The following LARGE1 variants were observed in gnomAD, a reference collection of about 807,000 sequenced individuals.
LARGE1 encodes xylosyl- and glucuronyltransferase LARGE1.
Under a neutral mutation model 87.6 loss-of-function variants are expected in LARGE1, and 43 were observed. That is an observed-to-expected ratio of 0.49 (90% CI 0.38 to 0.63). The LOEUF is 0.63. LARGE1 is among the 30% of genes least tolerant of loss of function. LARGE1 has a pLI of 0.00. For synonymous variants in LARGE1, 434 were observed against 394.6 expected, an observed-to-expected ratio of 1.10 and a Z score of -1.18; for missense variants, 802 against 1,000.2, an observed-to-expected ratio of 0.80 and a Z score of 2.67.
intron 1 of LARGE1, among the ~76,000 whole-genome samples, chr22:33,827,342 C>G (rs2062827596): frequency 6.6e-6 from 1 of 152,078 alleles, no homozygotes; most frequent in African/African-American, 2.4e-5. Context: ...TGTACTCCAG[C>G]CTGGGTGACA....
At chr22:33,769,032 G>A (rs1183265763) in intron 1 of LARGE1, among the ~76,000 whole-genome samples, 1 of 152,216 alleles carries the variant, frequency 6.6e-6, no homozygotes, top group Non-Finnish European at 1.5e-5. Flanking sequence ...ACCAGGGCAG[G>A]AATCCGCCAG....
intron 6 of LARGE1, among the ~76,000 whole-genome samples, chr22:33,457,724 C>A (rs906456833): frequency 6.6e-6 from 1 of 152,100 alleles, no homozygotes; most frequent in African/African-American, 2.4e-5. Context: ...GGAGCCAAAG[C>A]CTTACAAGGG....
chr22:33,397,351 C>G lies in LARGE1; in HGVS notation c.893-13047G>C, dbSNP rs5998916. ...GCTGGTCTCGAACTCCCGACCTCAG[C>G]TGATCCTACCGCCTTGGCCTCCCAA... On this transcript the variant is annotated intron_variant, in intron 7 of 14. Coordinates refer to ENST00000397394, the MANE Select transcript of LARGE1 (RefSeq NM_133642.5). 8.9e-3 allele frequency among the ~76,000 whole-genome samples: 1,356 copies of G among 152,248 alleles called. 21 individuals carry two copies. The highest frequency in any genetic ancestry group is 0.031 in the African/African-American group (1,283 of 41,530).
At chr22:33,478,931 G>GC (rs1242906036) in intron 6 of LARGE1, among the ~76,000 whole-genome samples, 2 of 152,122 alleles carry the variant, frequency 1.3e-5, no homozygotes, top group South Asian at 4.2e-4. Context: ...CTTCCATTTA[G>GC]CCCCCAGGAT....
chr22:33,920,302 G>C lies in LARGE1; in HGVS notation c.-390C>G, dbSNP rs991917763. Reference sequence around the variant, plus strand: ...CCCGCATGGGCAGGGGCCTGGGTCAGCCTCGGGTTGGGTCCAGGGAGCGAC... The same window carrying C: ...CCCGCATGGGCAGGGGCCTGGGTCACCCTCGGGTTGGGTCCAGGGAGCGAC... On this transcript the variant is annotated 5_prime_UTR_variant, in exon 1 of 15. Coordinates refer to ENST00000397394, the MANE Select transcript of LARGE1 (RefSeq NM_133642.5). 1 of 152,510 alleles carries C rather than the reference G, an allele frequency of 6.6e-6. No individual in the cohort carries two copies. The highest frequency in any genetic ancestry group is 2.4e-5 in the African/African-American group (1 of 41,454). 9.4% of individuals were successfully genotyped at this position (152,510 alleles called of 1,614,324 possible). A position where few individuals can be genotyped will look rare whatever the true frequency, so the allele number is the denominator to read the frequency against.
At chr22:33,787,492 G>T (rs901448214) in intron 1 of LARGE1, among the ~76,000 whole-genome samples, 4 of 152,172 alleles carry the variant, frequency 2.6e-5, no homozygotes, top group African/African-American at 9.7e-5. Context: ...AAATAAAGGT[G>T]ATTTTATGAC....
chr22:33,474,788 G>C (rs921729022), intron 6 of LARGE1, among the ~76,000 whole-genome samples: 1 of 152,188 alleles, frequency 6.6e-6, no homozygotes, highest in Non-Finnish European at 1.5e-5. Flanking sequence ...TGTGGAAAAA[G>C]AGTGGGGTGC....
At chr22:33,794,916 G>A (rs1201885887) in intron 1 of LARGE1, among the ~76,000 whole-genome samples, 4 of 101,410 alleles carry the variant, frequency 3.9e-5, no homozygotes, top group African/African-American at 7.9e-5. Context: ...CACCGTGCCC[G>A]GCCTTAAAAT....
intron 6 of LARGE1, among the ~76,000 whole-genome samples, chr22:33,495,517 G>A (rs2070068125): frequency 6.6e-6 from 1 of 152,090 alleles, no homozygotes; most frequent in Non-Finnish European, 1.5e-5. Context: ...TCAGGAGTTC[G>A]AGACCAGCCT....
chr22:33,625,341 G>A (rs1367203046), intron 4 of LARGE1, among the ~76,000 whole-genome samples: 2 of 152,216 alleles, frequency 1.3e-5, no homozygotes, highest in Non-Finnish European at 2.9e-5. Flanking sequence ...CCATGAGAAA[G>A]CAGAAGCCAA....
chr22:33,771,976 A>T (rs1429569622), intron 1 of LARGE1, among the ~76,000 whole-genome samples: 18 of 152,118 alleles, frequency 1.2e-4, no homozygotes, highest in Admixed American at 5.2e-4. Context: ...ATACGAATCG[A>T]AGCTACCATC....
At chr22:33,300,603 C>T (rs1193467409) in intron 12 of LARGE1, among the ~76,000 whole-genome samples, 1 of 152,022 alleles carries the variant, frequency 6.6e-6, no homozygotes. Flanking sequence ...TGCAGTGGTG[C>T]GATGTCAGCT....
the LARGE1 span, among the ~76,000 whole-genome samples, chr22:33,105,017 TG>T: frequency 6.6e-6 from 1 of 151,590 alleles, no homozygotes. Flanking sequence ...TTTCTTTTTT[TG>T]ATGAAGTCTT....
At chr22:33,240,246 A>G (rs1926449890) in intron 11 of LARGE1, among the ~76,000 whole-genome samples, 1 of 152,208 alleles carries the variant, frequency 6.6e-6, no homozygotes, top group Non-Finnish European at 1.5e-5. Context: ...AATTCCACTG[A>G]AGACTAATAA....
At chr22:33,399,506 T>C (rs189900929) in intron 7 of LARGE1, among the ~76,000 whole-genome samples, 18 of 152,330 alleles carry the variant, frequency 1.2e-4, no homozygotes, top group African/African-American at 4.3e-4. Flanking sequence ...TACCCAGTAA[T>C]GGGATTGCTG....
chr22:33,274,169 T>C lies in LARGE1; in HGVS notation c.*258A>G. The C allele has an allele frequency of 1.7e-6, 1 of 585,250 alleles. No homozygotes were observed. The highest frequency in any genetic ancestry group is 2.0e-5 in the South Asian group (1 of 49,970). The allele number at this position is 585,250 out of a possible 1,614,324, so 36.3% of individuals were successfully genotyped here. A position where few individuals can be genotyped will look rare whatever the true frequency, so the allele number is the denominator to read the frequency against. On this transcript the variant is annotated 3_prime_UTR_variant, in exon 15 of 15. Transcript: ENST00000397394. ...AACCCTTTTACTCCCTGTCACCCCTTGATTTCCCATTCTTGAAGAGACTCA... is the reference window on the plus strand; with the variant it reads ...AACCCTTTTACTCCCTGTCACCCCTCGATTTCCCATTCTTGAAGAGACTCA...
chr22:33,629,363 A>T (rs533861948), intron 3 of LARGE1, among the ~76,000 whole-genome samples: 1 of 152,276 alleles, frequency 6.6e-6, no homozygotes, highest in African/African-American at 2.4e-5. Flanking sequence ...GGGTTCAGAG[A>T]CTTTTTAAAA....
At chr22:33,872,703 G>A (rs2064333083) in intron 1 of LARGE1, among the ~76,000 whole-genome samples, 1 of 152,110 alleles carries the variant, frequency 6.6e-6, no homozygotes, top group Admixed American at 6.6e-5. Flanking sequence ...TTTGGAGCAC[G>A]GAAAAGAGCC....
At chr22:33,198,636 G>GACACACAC (rs71187250) in intron 11 of LARGE1, among the ~76,000 whole-genome samples, 15 of 137,678 alleles carry the variant, frequency 1.1e-4, no homozygotes, top group African/African-American at 3.3e-4. Flanking sequence ...TATACACCGT[G>GACACACAC]ACACACACAC....
Sources: gnomAD v4.1 joint callset for allele counts (sites outside exome capture counted in the v4.1 genomes callset) on GRCh38, gnomAD v4.1.1 for gene constraint, MANE v1.5 for transcripts, NCBI Gene and HGNC (gene_info 2026-07-23, HGNC 2026-07-21) for gene names.